METTL5: variants seen among roughly 807,000 people sequenced by gnomAD.
METTL5 encodes rRNA N(6)-adenosine-methyltransferase METTL5.
In METTL5, 28 loss-of-function variants were observed where a neutral mutation model predicts 26.5. That is an observed-to-expected ratio of 1.06 (90% CI 0.78 to 1.45). The LOEUF (loss-of-function observed/expected upper bound fraction) is 1.45. Among genes scored for constraint, METTL5 ranks in the 40% most tolerant of loss-of-function variants. The pLI is 0.00. For synonymous variants in METTL5, 86 were observed against 82.6 expected (o/e 1.04, Z -0.22); for missense variants, 231 against 249.9 (o/e 0.92, Z 0.51).
Position 169,812,242 on chromosome 2 carries a change from T to C in METTL5, c.591+215A>G, listed in dbSNP as rs558724778. ...ATAATTACTTGTCACAAAGCTTTCCTTTTTTTTTCTTTTTCGAGACTGAGT... is the reference window on the plus strand; with the variant it reads ...ATAATTACTTGTCACAAAGCTTTCCCTTTTTTTTCTTTTTCGAGACTGAGT... On this transcript the variant is annotated intron_variant, in intron 6 of 6. Transcript: ENST00000260953. The C allele has an allele frequency of 1.8e-5, 12 of 657,458 alleles. No homozygotes were observed. The African/African-American group carries it at 2.2e-4, about 12-fold the overall frequency. 40.7% of individuals were successfully genotyped at this position (657,458 alleles called of 1,614,324 possible). A position where few individuals can be genotyped will look rare whatever the true frequency, so the allele number is the denominator to read the frequency against.
Position 169,824,721 on chromosome 2 carries a change from C to T in METTL5, c.-124G>A. On this transcript the variant is annotated 5_prime_UTR_variant, in exon 1 of 7. Transcript: ENST00000260953. The stretch of plus-strand genomic sequence containing the variant: ...CCCTTTTTCAGCACCGCTGGCCGGA[C>T]CCGAAGACGCGCCCTAAGGAGACGC... The T allele has an allele frequency of 2.6e-6, 2 of 767,118 alleles. No individual in the cohort carries two copies. Among genetic ancestry groups the T allele is most frequent in the Admixed American group, 4.4e-5 (2 of 45,914 alleles). 47.5% of individuals were successfully genotyped at this position (767,118 alleles called of 1,614,324 possible).
At chr2:169,824,114 T>C in intron 1 of METTL5, 1 of 184,048 alleles carries the variant, frequency 5.4e-6, no homozygotes, top group Non-Finnish European at 1.2e-5. Context: ...AAACTGATCC[T>C]TATTTAGTAA....
intron 3 of METTL5, among the ~76,000 whole-genome samples, chr2:169,820,612 G>T (rs1343998407): frequency 6.6e-6 from 1 of 152,180 alleles, no homozygotes; most frequent in Non-Finnish European, 1.5e-5. Context: ...ACAAATAAGA[G>T]ATTGGTTTAC....
rs1400560387 is a variant in METTL5 at position 169,812,517 on chromosome 2, A to G, written c.542-11T>C. 5.0e-6 allele frequency: 8 copies of G among 1,612,780 alleles called. No individual in the cohort carries two copies. Among genetic ancestry groups the G allele is most frequent in the Non-Finnish European group, 6.8e-6 (8 of 1,179,648 alleles). ...GGTCATATCGAAGTTCTGTAAAACA[A>G]AAGCCACCTAAGGATAAAATTGTAT... On this transcript the variant is annotated splice_polypyrimidine_tract_variant and intron_variant, in intron 5 of 6. Transcript: ENST00000260953.
chr2:169,814,396 A>G (rs1207182314), intron 5 of METTL5, among the ~76,000 whole-genome samples: 1 of 136,394 alleles, frequency 7.3e-6, no homozygotes, highest in Non-Finnish European at 1.5e-5. Flanking sequence ...CTGAGGCAAG[A>G]GCATCGCTTG....
At chr2:169,812,722 T>C in intron 5 of METTL5, 1 of 519,962 alleles carries the variant, frequency 1.9e-6, no homozygotes, top group South Asian at 2.5e-5. Flanking sequence ...ATACTGAAAT[T>C]TGAGGTTATA....
At chr2:169,819,103 C>T (rs1443673945) in intron 4 of METTL5, among the ~76,000 whole-genome samples, 1 of 152,116 alleles carries the variant, frequency 6.6e-6, no homozygotes, top group Non-Finnish European at 1.5e-5. Flanking sequence ...ACTTATACAC[C>T]TCTCCATGTG....
intron 4 of METTL5, among the ~76,000 whole-genome samples, chr2:169,816,275 T>C (rs2081503832): frequency 6.6e-6 from 1 of 152,224 alleles, no homozygotes; most frequent in Admixed American, 6.5e-5. Context: ...ATTCATGTTA[T>C]GCCAAGACTA....
rs888379512 is a variant in METTL5 at position 169,821,965 on chromosome 2, C to T, written c.202G>A (p.Gly68Arg). 3.7e-6 allele frequency: 6 copies of T among 1,613,326 alleles called. No individual in the cohort carries two copies. The African/African-American group carries it at 4.0e-5, about 11-fold the overall frequency. Residue 68 changes from glycine to arginine, a missense_variant, in exon 2 of 7, where the codon GGA becomes AGA. Physicochemically the swap from Gly to Arg is moderately radical, Grantham distance 125. Transcript: ENST00000260953. The stretch of plus-strand genomic sequence containing the variant: ...TACCCTGCTCCTAACATTGCAGTTC[C>T]GATGCTAAGTACTCCACAACCACAT... ...LGCGCGVLSI[G>R]TAMLGAGLCV...
chr2:169,815,836 C>CAAATATAAAAT (rs1431085663), intron 4 of METTL5, among the ~76,000 whole-genome samples: 1 of 152,180 alleles, frequency 6.6e-6, no homozygotes, highest in African/African-American at 2.4e-5. Flanking sequence ...ATAAATGGAG[C>CAAATATAAAAT]TGAAAAATTG....
chr2:169,814,356 G>A (rs535028372), intron 5 of METTL5, among the ~76,000 whole-genome samples: 1 of 147,948 alleles, frequency 6.8e-6, no homozygotes, highest in African/African-American at 2.5e-5. Context: ...GCGTGGTAGT[G>A]CATGCCTGTA....
intron 4 of METTL5, among the ~76,000 whole-genome samples, chr2:169,816,633 A>C (rs2081510170): frequency 1.3e-5 from 2 of 152,174 alleles, no homozygotes; most frequent in African/African-American, 4.8e-5. Context: ...AGGCCTCAGA[A>C]ATAACACCAC....
chr2:169,820,692 A>G (rs2081571478), intron 3 of METTL5, among the ~76,000 whole-genome samples: 2 of 152,186 alleles, frequency 1.3e-5, no homozygotes, highest in South Asian at 4.1e-4. Context: ...ACTTAGCCCA[A>G]ACAGTGATAA....
At chr2:169,819,670 A>G (rs548195039) in intron 3 of METTL5, 27 bp from the exon 4 acceptor site, 11 of 1,488,064 alleles carry the variant, frequency 7.4e-6, no homozygotes, top group East Asian at 6.8e-5. Context: ...AAAAGCTCCT[A>G]TTTACCTCTT....
intron 5 of METTL5, among the ~76,000 whole-genome samples, chr2:169,814,889 ATTTG>A (rs1262378409): frequency 7.5e-6 from 1 of 133,154 alleles, no homozygotes; most frequent in South Asian, 2.3e-4. Flanking sequence ...TTTTTTTTTC[ATTTG>A]TTTGTTTTTG....
At chr2:169,812,251 C>G (rs918669952) in intron 6 of METTL5, 5 of 714,152 alleles carry the variant, frequency 7.0e-6, no homozygotes, top group Admixed American at 3.2e-5. Flanking sequence ...CTTTTTTTTT[C>G]TTTTTCGAGA....
At chr2:169,821,822 A>G in intron 2 of METTL5, 121 bp downstream of exon 2, 1 of 749,020 alleles carries the variant, frequency 1.3e-6, no homozygotes, top group South Asian at 1.9e-5. Flanking sequence ...TGTATTCAGT[A>G]TCAGATTTTT....
chr2:169,811,837 T>A lies in METTL5; in HGVS notation c.613A>T (p.Ile205Phe), dbSNP rs1689966030. The A allele has an allele frequency of 6.2e-7, 1 of 1,613,560 alleles. No individual in the cohort carries two copies. Among genetic ancestry groups the A allele is most frequent in the Non-Finnish European group, 8.5e-7 (1 of 1,179,786 alleles). Residue 205 changes from isoleucine to phenylalanine, a missense_variant, in exon 7 of 7, where the codon ATT becomes TTT. Physicochemically the swap from Ile to Phe is conservative, Grantham distance 21. Transcript: ENST00000260953. Reference sequence around the variant, plus strand: ...CGGGGCTTTTAAAAGGAAAACCGAATTAGGTCCACTTCAATGTCCACCTGT... The same window carrying A: ...CGGGGCTTTTAAAAGGAAAACCGAAATAGGTCCACTTCAATGTCCACCTGT... ...KKSVDIEVDL[I>F]RFSF is the part of the protein sequence containing the mutation.
At position 169,824,690 on chromosome 2, in the gene METTL5, CCTT is replaced by C. The variant is rs970302660; in HGVS notation, c.-96_-94del. 3.8e-6 allele frequency: 4 copies of C among 1,042,028 alleles called. No individual in the cohort carries two copies. The African/African-American group carries it at 6.3e-5, about 16-fold the overall frequency. The allele number at this position is 1,042,028 out of a possible 1,614,324, so 64.5% of individuals were successfully genotyped here. Reference sequence around the variant, plus strand: ...GATCTTGTTTCCTCCCTACCCCCAACCTTCTCCCTTTTTCAGCACCGCTGGCCG... The same window carrying C: ...GATCTTGTTTCCTCCCTACCCCCAACCTCCCTTTTTCAGCACCGCTGGCCG... On this transcript the variant is annotated 5_prime_UTR_variant, in exon 1 of 7. Coordinates refer to ENST00000260953, the MANE Select transcript of METTL5 (RefSeq NM_014168.4).
Sources: allele counts gnomAD v4.1 joint callset (sites outside exome capture counted in the v4.1 genomes callset), GRCh38; gene constraint gnomAD v4.1.1; transcripts MANE v1.5; gene names NCBI Gene and HGNC (gene_info 2026-07-23, HGNC 2026-07-21).